Variants in CDH22 observed in about 807,000 individuals in gnomAD.
The protein encoded by CDH22 is cadherin-22.
CDH22 carries 30 observed loss-of-function variants against 58.4 expected under a neutral mutation model. That is an observed-to-expected ratio of 0.51 (90% CI 0.38 to 0.70). CDH22 has a LOEUF of 0.70. Among genes scored for constraint, CDH22 ranks in the 30% least tolerant of loss-of-function variants. CDH22 has a pLI of 0.00. For synonymous variants in CDH22, 513 were observed against 558.2 expected, an observed-to-expected ratio of 0.92 and a Z score of 1.14; for missense variants, 1,014 against 1,233.9, an observed-to-expected ratio of 0.82 and a Z score of 2.67.
intron 1 of CDH22, among the ~76,000 whole-genome samples, chr20:46,277,956 G>T (rs1408464449): frequency 1.3e-5 from 2 of 151,984 alleles, no homozygotes; most frequent in African/African-American, 4.8e-5. Context: ...GGTGTGCTCA[G>T]TGCTAATGAG....
At chr20:46,212,275 T>C (rs995799341) in intron 6 of CDH22, among the ~76,000 whole-genome samples, 1 of 145,522 alleles carries the variant, frequency 6.9e-6, no homozygotes, top group Non-Finnish European at 1.5e-5. Flanking sequence ...GCTGGAGATA[T>C]ACAAACAAAG....
rs867452804 is a variant in CDH22, at chr20:46,175,003, G to A, written c.1990C>T (p.Arg664Trp). The change falls in exon 12 of 12, where the codon CGG (arginine) becomes TGG (tryptophan). Residue 664 changes from arginine (R) to tryptophan (W), a missense_variant. By Grantham distance (101) the Arg-to-Trp change is moderately radical (BLOSUM62 -3). Coordinates refer to ENST00000537909, the MANE Select transcript of CDH22 (RefSeq NM_021248.3). ...TCGTTGTATTTGATGACGTTGTCCC[G>A]CATGTCTTCATCCTCGTCCGAGCTC... ...HLSSDEDEDM[R>W]DNVIKYNDEG... 6.2e-7 allele frequency: 1 copy of A among 1,608,952 alleles called. No homozygotes were observed. The highest frequency in any genetic ancestry group is 8.5e-7 in the Non-Finnish European group (1 of 1,179,506).
intron 8 of CDH22, among the ~76,000 whole-genome samples, chr20:46,188,251 C>T (rs1227156417): frequency 5.3e-5 from 8 of 152,180 alleles, no homozygotes; most frequent in Non-Finnish European, 2.9e-5. Context: ...GTTTCCACAC[C>T]TGGAAAATGA....
chr20:46,263,273 C>T (rs2086442642), intron 1 of CDH22, among the ~76,000 whole-genome samples: 1 of 152,146 alleles, frequency 6.6e-6, no homozygotes, highest in Admixed American at 6.5e-5. Context: ...TGTACCCCAT[C>T]CCTCAGACTG....
chr20:46,239,376 A>G (rs1468443717), intron 3 of CDH22, among the ~76,000 whole-genome samples: 1 of 152,208 alleles, frequency 6.6e-6, no homozygotes, highest in Non-Finnish European at 1.5e-5. Context: ...GCATGCATGC[A>G]TGCATTCCTG....
At chr20:46,233,227 G>T (rs529660837) in intron 3 of CDH22, among the ~76,000 whole-genome samples, 5 of 152,136 alleles carry the variant, frequency 3.3e-5, no homozygotes, top group African/African-American at 4.8e-5. Flanking sequence ...AGTCTCCAGG[G>T]AACGTGAAAC....
At chr20:46,205,114 A>G (rs6032721) in intron 7 of CDH22, among the ~76,000 whole-genome samples, 35 of 151,964 alleles carry the variant, frequency 2.3e-4, no homozygotes, top group African/African-American at 8.2e-4. Flanking sequence ...ACTCCACCCT[A>G]TCTGTGACTC....
At chr20:46,229,601 A>C (rs550876174) in intron 3 of CDH22, among the ~76,000 whole-genome samples, 1 of 152,346 alleles carries the variant, frequency 6.6e-6, no homozygotes, top group Admixed American at 6.5e-5. Context: ...GATCATTTTG[A>C]GAATTCAATT....
chr20:46,189,141 G>T (rs536678261), intron 8 of CDH22, among the ~76,000 whole-genome samples: 1 of 152,288 alleles, frequency 6.6e-6, no homozygotes, highest in Admixed American at 6.5e-5. Flanking sequence ...AAAGGAGGGG[G>T]CTGAGTTCTT....
At chr20:46,194,607 T>A (rs2085886107) in intron 8 of CDH22, among the ~76,000 whole-genome samples, 1 of 152,364 alleles carries the variant, frequency 6.6e-6, no homozygotes, top group South Asian at 2.1e-4. Flanking sequence ...AGGCACACAG[T>A]AGGCACCTGC....
In CDH22 at chr20:46,216,690, G is replaced by C; in HGVS notation, c.838+136C>G. The C allele has an allele frequency of 4.6e-6, 4 of 862,472 alleles. No individual in the cohort carries two copies. Among genetic ancestry groups the C allele is most frequent in the Non-Finnish European group, 7.3e-6 (4 of 545,432 alleles). The allele number at this position is 862,472 out of a possible 1,614,324, so 53.4% of individuals were successfully genotyped here. A position where few individuals can be genotyped will look rare whatever the true frequency, so the allele number is the denominator to read the frequency against. On this transcript the variant is annotated intron_variant, in intron 5 of 11. Transcript: ENST00000537909. The surrounding 1 kb of genome is among the most constrained non-coding windows in gnomAD (Gnocchi z 5.3). The stretch of plus-strand genomic sequence containing the variant: ...GGATAGCTGGTGGCTTGGGAGGACA[G>C]ACAGACAGACAGAAAGAGAGGGGGA...
At chr20:46,222,559 TC>T (rs2086134651) in intron 4 of CDH22, among the ~76,000 whole-genome samples, 2 of 152,240 alleles carry the variant, frequency 1.3e-5, no homozygotes, top group East Asian at 3.8e-4. Flanking sequence ...ACATTTCTAT[TC>T]CTGCTGGGGT....
In CDH22 at chr20:46,174,952, C is replaced by T. The variant is rs1478823542; in HGVS notation, c.2041G>A (p.Glu681Lys). ...CGCAGCGCCGACATGTCGTAGGCTT[C>T]GGTGTCCTGCTCGCCGCCGCCTTCG... ...NDEGGGEQDT[E>K]AYDMSALRSL... is the part of the protein sequence containing the mutation. The change falls in exon 12 of 12, where the codon GAA becomes AAA. Residue 681 changes from glutamate (E) to lysine (K), a missense_variant. This residue lies in a region of CDH22 where 806 missense variants were observed against 1,038.7 expected (regional missense o/e 0.78). Coordinates refer to ENST00000537909, the MANE Select transcript of CDH22 (RefSeq NM_021248.3). The surrounding 1 kb of genome is among the most constrained non-coding windows in gnomAD (Gnocchi z 4.4). The T allele has an allele frequency of 6.3e-6, 10 of 1,591,374 alleles. No individual in the cohort carries two copies. The highest frequency in any genetic ancestry group is 1.7e-5 in the Admixed American group (1 of 59,556).
intron 1 of CDH22, among the ~76,000 whole-genome samples, chr20:46,265,069 G>A (rs982207477): frequency 3.9e-5 from 6 of 152,276 alleles, no homozygotes; most frequent in African/African-American, 1.2e-4. Flanking sequence ...CGGCAGAGCC[G>A]TGCTGTACAT....
rs1309998534 is a variant in CDH22, at chr20:46,179,865, CG to C, written c.1664-1669del. On this transcript the variant is annotated intron_variant, in intron 10 of 11. Transcript: ENST00000537909. Reference sequence around the variant, plus strand: ...ATCTTCCCTGTGCTGCACCCGCTGCCGGCTCCCTGTCTAGGCCGCCCTGCCT... The same window carrying C: ...ATCTTCCCTGTGCTGCACCCGCTGCCGCTCCCTGTCTAGGCCGCCCTGCCT... Among the ~76,000 whole-genome samples, 3 of 152,170 alleles carry C rather than the reference CG, an allele frequency of 2.0e-5. No individual in the cohort carries two copies. The East Asian group carries it at 5.8e-4, about 29-fold the overall frequency.
chr20:46,294,594 G>A (rs1219005749), intron 1 of CDH22, among the ~76,000 whole-genome samples: 11 of 152,182 alleles, frequency 7.2e-5, no homozygotes, highest in Non-Finnish European at 1.6e-4. Context: ...TGGCTGCTAT[G>A]GCAACCAGGG....
chr20:46,267,084 A>G (rs2086464491), intron 1 of CDH22, among the ~76,000 whole-genome samples: 1 of 152,066 alleles, frequency 6.6e-6, no homozygotes, highest in Non-Finnish European at 1.5e-5. Flanking sequence ...TATAATTGTT[A>G]TATTACAGAT....
At chr20:46,257,968 G>A (rs1415522151) in intron 1 of CDH22, among the ~76,000 whole-genome samples, 2 of 152,192 alleles carry the variant, frequency 1.3e-5, no homozygotes, top group East Asian at 3.8e-4. Context: ...GTGGTGAACT[G>A]TGCCGAATGC....
At chr20:46,223,687 TTC>T (rs1403306833) in intron 4 of CDH22, among the ~76,000 whole-genome samples, 25 of 73,616 alleles carry the variant, frequency 3.4e-4, no homozygotes, top group Non-Finnish European at 4.9e-4. Flanking sequence ...CTTTCTTTCT[TTC>T]TTTCTTTCTT....
Sources: gnomAD v4.1 joint callset for allele counts (sites outside exome capture counted in the v4.1 genomes callset) on GRCh38, gnomAD v4.1.1 for gene constraint, gnomAD v4.1.1 regional missense constraint, Gnocchi (gnomAD v3.1) non-coding constraint, MANE v1.5 for transcripts, NCBI Gene and HGNC (gene_info 2026-07-23, HGNC 2026-07-21) for gene names.